The following RAE1 variants were observed in gnomAD, a reference collection of about 807,000 sequenced individuals.
RAE1 encodes mRNA export factor RAE1.
Under a neutral mutation model 52.7 loss-of-function variants are expected in RAE1, and 13 were observed. The observed-to-expected ratio is 0.25, with a 90% CI of 0.16 to 0.39. The LOEUF is 0.39. RAE1 is among the 10% of genes least tolerant of loss of function. The probability of loss-of-function intolerance (pLI) is 1.00; values close to 1 mark genes in which losing one functional copy is unlikely to be tolerated. For missense variants in RAE1, 262 were observed against 459.8 expected, an observed-to-expected ratio of 0.57 and a Z score of 3.93; for synonymous variants, 164 against 153.1, an observed-to-expected ratio of 1.07 and a Z score of -0.52.
intron 11 of RAE1, among the ~76,000 whole-genome samples, chr20:57,375,892 G>A (rs1305189580): frequency 2.0e-5 from 3 of 152,168 alleles, no homozygotes; most frequent in African/African-American, 7.2e-5. Context: ...TTGGGCTGTG[G>A]TTCCTGTCCT....
intron 7 of RAE1, among the ~76,000 whole-genome samples, chr20:57,367,860 A>G (rs2066980113): frequency 6.6e-6 from 1 of 152,104 alleles, no homozygotes; most frequent in South Asian, 2.1e-4. Flanking sequence ...TCACAAGAAA[A>G]TAATCATAGA....
intron 1 of RAE1, among the ~76,000 whole-genome samples, chr20:57,353,505 A>G (rs571193504): frequency 6.6e-6 from 1 of 152,344 alleles, no homozygotes; most frequent in African/African-American, 2.4e-5. Context: ...TTACGAAGAA[A>G]TTGCTGATTC....
chr20:57,379,022 GA>G lies in RAE1; in HGVS notation c.*924del, dbSNP rs2146189088. 1 of 152,336 alleles carries G rather than the reference GA, an allele frequency of 6.6e-6. No individual in the cohort carries two copies. Among genetic ancestry groups the G allele is most frequent in the East Asian group, 1.9e-4 (1 of 5,182 alleles). The allele number at this position is 152,336 out of a possible 1,614,324, so 9.4% of individuals were successfully genotyped here. On this transcript the variant is annotated 3_prime_UTR_variant, in exon 12 of 12. Transcript: ENST00000395841. ...ATTCAGCTGGGCTGAGAAAAAGTGT[GA>G]CTTTTGGGTCTGTCACTGTATTTCT...
intron 8 of RAE1, chr20:57,371,471 CCTAA>C (rs1469789057): frequency 2.6e-5 from 4 of 152,118 alleles, no homozygotes; most frequent in African/African-American, 9.7e-5. Flanking sequence ...TGCTTAACAT[CCTAA>C]CTATCAAGGA....
At position 57,367,080 on chromosome 20, in the gene RAE1, GTAAGGGATTTCAACT is replaced by G; in HGVS notation, c.534+5_534+19del. On this transcript the variant is annotated splice_donor_variant and splice_donor_5th_base_variant and intron_variant, in intron 7 of 11. Transcript: ENST00000395841. LOFTEE classifies it high-confidence loss of function. ...TGAAAGGTGTTACTGTGCTGACGTG[GTAAGGGATTTCAACT>G]TAATATGTATTTACTTTAAAAAAAA... 1 of 1,570,832 alleles carries G rather than the reference GTAAGGGATTTCAACT, an allele frequency of 6.4e-7. No homozygotes were observed. Among genetic ancestry groups the G allele is most frequent in the Non-Finnish European group, 8.7e-7 (1 of 1,147,972 alleles).
In RAE1 at chr20:57,354,148, G is replaced by A. The variant is rs930620389; in HGVS notation, c.90+20G>A. 6.2e-7 allele frequency: 1 copy of A among 1,601,080 alleles called. No homozygotes were observed. The highest frequency in any genetic ancestry group is 8.6e-7 in the Non-Finnish European group (1 of 1,168,926). ...ATGAAGGTACCACGAAAAGCTTCCTGGGGCTTGTAGGAAGAGTTTGGGCAG... is the reference window on the plus strand; with the variant it reads ...ATGAAGGTACCACGAAAAGCTTCCTAGGGCTTGTAGGAAGAGTTTGGGCAG... On this transcript the variant is annotated intron_variant, in intron 2 of 11. Coordinates refer to ENST00000395841, the MANE Select transcript of RAE1 (RefSeq NM_003610.4).
intron 4 of RAE1, among the ~76,000 whole-genome samples, chr20:57,362,330 C>A: frequency 6.6e-6 from 1 of 152,210 alleles, no homozygotes; most frequent in East Asian, 1.9e-4. Context: ...GTCTTCCTGA[C>A]ATACCTGATT....
At position 57,354,017 on chromosome 20, in the gene RAE1, T is replaced by C; in HGVS notation, c.-7-15T>C. ...AAGAGAAAACCCATCCTTAACATTT[T>C]TCATTACTTTTTAGGTTCAAAATGA... On this transcript the variant is annotated splice_polypyrimidine_tract_variant and intron_variant, in intron 1 of 11. Coordinates refer to ENST00000395841, the MANE Select transcript of RAE1 (RefSeq NM_003610.4). 6.2e-7 allele frequency: 1 copy of C among 1,605,392 alleles called. No homozygotes were observed. Among genetic ancestry groups the C allele is most frequent in the Non-Finnish European group, 8.5e-7 (1 of 1,173,376 alleles).
At chr20:57,364,680 A>G (rs1600717463) in intron 4 of RAE1, among the ~76,000 whole-genome samples, 1 of 152,194 alleles carries the variant, frequency 6.6e-6, no homozygotes, top group South Asian at 2.1e-4. Context: ...CATTGACATA[A>G]TATGTCTGGG....
At position 57,354,132 on chromosome 20, in the gene RAE1, C is replaced by T. The variant is rs757621267; in HGVS notation, c.90+4C>T. On this transcript the variant is annotated splice_donor_region_variant and intron_variant, in intron 2 of 11. Coordinates refer to ENST00000395841, the MANE Select transcript of RAE1 (RefSeq NM_003610.4). ...AGACAATCACAATCCCATGAAGGTA[C>T]CACGAAAAGCTTCCTGGGGCTTGTA... 9 of 1,611,710 alleles carry T rather than the reference C, an allele frequency of 5.6e-6. No homozygotes were observed. The highest frequency in any genetic ancestry group is 7.6e-6 in the Non-Finnish European group (9 of 1,178,192).
intron 11 of RAE1, chr20:57,375,169 AG>A: frequency 1.6e-6 from 1 of 620,604 alleles, no homozygotes; most frequent in Non-Finnish European, 2.9e-6. Flanking sequence ...TGGTTTGGGC[AG>A]GGGGAGTTAG....
intron 8 of RAE1, chr20:57,372,348 C>T (rs978728476): frequency 1.3e-5 from 2 of 152,386 alleles, no homozygotes; most frequent in Non-Finnish European, 2.9e-5. Flanking sequence ...TCTGGCTTCA[C>T]TTCCTGCCAC....
intron 7 of RAE1, among the ~76,000 whole-genome samples, 183 bp from the exon 8 acceptor site, chr20:57,368,522 A>G (rs1293044106): frequency 6.6e-6 from 1 of 152,202 alleles, no homozygotes; most frequent in African/African-American, 2.4e-5. Context: ...AAAACACGAG[A>G]CTTTTTAAAA....
intron 4 of RAE1, among the ~76,000 whole-genome samples, chr20:57,361,830 G>A (rs182992328): frequency 3.9e-5 from 6 of 152,308 alleles, no homozygotes; most frequent in Admixed American, 2.6e-4. Context: ...ATGGCCATAC[G>A]TTAATGCAGG....
At position 57,354,693 on chromosome 20, in the gene RAE1, A is replaced by T; in HGVS notation, c.91-19A>T. On this transcript the variant is annotated intron_variant, in intron 2 of 11. Transcript: ENST00000395841. The stretch of plus-strand genomic sequence containing the variant: ...GTTGTGAGCGTGCATACATTTTAAC[A>T]TTGACTTTTTTCCCGCAGGATATTG... 1 of 1,537,594 alleles carries T rather than the reference A, an allele frequency of 6.5e-7. No homozygotes were observed. The highest frequency in any genetic ancestry group is 8.8e-7 in the Non-Finnish European group (1 of 1,140,148).
chr20:57,368,919 C>T (rs1029549307), intron 8 of RAE1, 107 bp downstream of exon 8: 1 of 859,004 alleles, frequency 1.2e-6, no homozygotes, highest in African/African-American at 1.7e-5. Context: ...TAAGTATGTT[C>T]AAAGAGGGGT....
At chr20:57,369,151 G>A (rs1268918746) in intron 8 of RAE1, among the ~76,000 whole-genome samples, 1 of 152,228 alleles carries the variant, frequency 6.6e-6, no homozygotes, top group Non-Finnish European at 1.5e-5. Flanking sequence ...GCATACAAAT[G>A]TATTGATGTG....
intron 7 of RAE1, among the ~76,000 whole-genome samples, chr20:57,367,596 T>C (rs1407826020): frequency 6.6e-6 from 1 of 151,902 alleles, no homozygotes; most frequent in East Asian, 1.9e-4. Flanking sequence ...AAAAATTAGC[T>C]GGGCATGGTG....
rs762290489 is a variant in RAE1 at position 57,354,703 on chromosome 20, T to G, written c.91-9T>G. ...TGCATACATTTTAACATTGACTTTTTTCCCGCAGGATATTGAAGTAACATC... is the reference window on the plus strand; with the variant it reads ...TGCATACATTTTAACATTGACTTTTGTCCCGCAGGATATTGAAGTAACATC... On this transcript the variant is annotated splice_polypyrimidine_tract_variant and intron_variant, in intron 2 of 11. Coordinates refer to ENST00000395841, the MANE Select transcript of RAE1 (RefSeq NM_003610.4). 1.9e-6 allele frequency: 3 copies of G among 1,555,636 alleles called. No homozygotes were observed. The highest frequency in any genetic ancestry group is 2.4e-5 in the East Asian group (1 of 42,018).
Sources: allele counts gnomAD v4.1 joint callset (sites outside exome capture counted in the v4.1 genomes callset), GRCh38; gene constraint gnomAD v4.1.1; transcripts MANE v1.5; gene names NCBI Gene and HGNC (gene_info 2026-07-23, HGNC 2026-07-21).